RGS13: variants seen among roughly 807,000 people sequenced by gnomAD.
RGS13 encodes the protein regulator of G protein signaling 13.
In RGS13, 14 loss-of-function variants were observed where a neutral mutation model predicts 19.9. The ratio of observed to expected loss-of-function variants is 0.70; its 90% confidence interval spans 0.46 to 1.10. The LOEUF is 1.10. RGS13 is among the 50% of genes least tolerant of loss of function. The probability of loss-of-function intolerance (pLI) is 0.00; values close to 1 mark genes in which losing one functional copy is unlikely to be tolerated. For missense variants in RGS13, 205 were observed against 187.1 expected, an observed-to-expected ratio of 1.10 and a Z score of -0.56; for synonymous variants, 60 against 56.8, an observed-to-expected ratio of 1.06 and a Z score of -0.25.
rs185969071 is a variant in RGS13 at position 192,644,597 on chromosome 1, G to T, written c.65+198G>T. 30 of 504,084 alleles carry T rather than the reference G, an allele frequency of 6.0e-5. 2 individuals are homozygous for T. The East Asian group carries it at 7.0e-4, about 12-fold the overall frequency. The allele number at this position is 504,084 out of a possible 1,614,324, so 31.2% of individuals were successfully genotyped here. On this transcript the variant is annotated intron_variant, in intron 4 of 6. Transcript: ENST00000391995. ...TTCATTATTCATGGTTTACACTTGA[G>T]AATTCAGCAAGTTAAATGCTTTAGA...
chr1:192,639,430 T>C (rs1359996690), intron 3 of RGS13, among the ~76,000 whole-genome samples: 1 of 152,090 alleles, frequency 6.6e-6, no homozygotes, highest in African/African-American at 2.4e-5. Flanking sequence ...AAGCTGGGAC[T>C]CAGTGATTAA....
intron 3 of RGS13, among the ~76,000 whole-genome samples, chr1:192,640,569 A>G (rs755395248): frequency 6.6e-6 from 1 of 152,134 alleles, no homozygotes; most frequent in African/African-American, 2.4e-5. Flanking sequence ...AGTATTGTGA[A>G]TCTCTATTTG....
chr1:192,656,825 A>G (rs1663452701), intron 5 of RGS13, among the ~76,000 whole-genome samples: 1 of 152,070 alleles, frequency 6.6e-6, no homozygotes, highest in Non-Finnish European at 1.5e-5. Flanking sequence ...TTGCTTGAAG[A>G]CAAAATACTT....
At chr1:192,641,155 G>A (rs1000644511) in intron 3 of RGS13, among the ~76,000 whole-genome samples, 1 of 129,240 alleles carries the variant, frequency 7.7e-6, no homozygotes, top group Non-Finnish European at 1.7e-5. Flanking sequence ...GAAAGAAAGA[G>A]GAAAGAAAGA....
At chr1:192,650,008 A>G (rs1463198296) in intron 5 of RGS13, among the ~76,000 whole-genome samples, 2 of 152,076 alleles carry the variant, frequency 1.3e-5, no homozygotes, top group East Asian at 1.9e-4. Context: ...TTTGTACCCA[A>G]TGAGCATGCA....
Position 192,660,024 on chromosome 1 carries a change from T to C in RGS13, c.*501T>C, listed in dbSNP as rs1183060795. 2.0e-5 allele frequency: 3 copies of C among 152,134 alleles called. No individual in the cohort carries two copies. The highest frequency in any genetic ancestry group is 2.0e-4 in the Admixed American group (3 of 15,268). The allele number at this position is 152,134 out of a possible 1,614,324, so 9.4% of individuals were successfully genotyped here. On this transcript the variant is annotated 3_prime_UTR_variant, in exon 7 of 7. Coordinates refer to ENST00000391995, the MANE Select transcript of RGS13 (RefSeq NM_002927.5). ...AAAGGTGTTCTTCAGAGACATTTTA[T>C]CTATAAAATTTTCCTACTATTATGT... is the stretch of plus-strand genomic sequence containing the variant.
chr1:192,636,881 CA>C (rs1173511596), intron 1 of RGS13, among the ~76,000 whole-genome samples: 2 of 151,658 alleles, frequency 1.3e-5, no homozygotes, highest in African/African-American at 4.8e-5. Context: ...GTGCTGTGGT[CA>C]ACAAAAGCTC....
chr1:192,651,813 T>C (rs571122741), intron 5 of RGS13, among the ~76,000 whole-genome samples: 4 of 152,138 alleles, frequency 2.6e-5, no homozygotes, highest in Non-Finnish European at 5.9e-5. Flanking sequence ...AGTAGATTGC[T>C]TAGGAGAGGA....
At chr1:192,658,406 T>C in intron 6 of RGS13, 39 bp downstream of exon 6, 1 of 1,581,610 alleles carries the variant, frequency 6.3e-7, no homozygotes, top group African/African-American at 1.4e-5. Context: ...AATCAGTTCA[T>C]CCCTGCAAGG....
chr1:192,642,885 G>C (rs1378262314), intron 3 of RGS13, among the ~76,000 whole-genome samples: 1 of 151,710 alleles, frequency 6.6e-6, no homozygotes. Context: ...TTTGAGATAG[G>C]GTCTCACTCT....
chr1:192,658,490 A>G, intron 6 of RGS13, 123 bp downstream of exon 6: 1 of 861,852 alleles, frequency 1.2e-6, no homozygotes, highest in South Asian at 1.9e-5. Context: ...CTATAAATTC[A>G]GTATTGCTAA....
Position 192,636,266 on chromosome 1 carries a change from A to G in RGS13, c.-167A>G, listed in dbSNP as rs1663017577. On this transcript the variant is annotated 5_prime_UTR_variant, in exon 1 of 7. It adds an upstream start codon to the 5' untranslated region. Coordinates refer to ENST00000391995, the MANE Select transcript of RGS13 (RefSeq NM_002927.5). ...CAGAACCTGATTTCAAACGGATCAT[A>G]ACAAAGAGGAGATCAAATTTAGCAT... 1 of 152,104 alleles carries G rather than the reference A, an allele frequency of 6.6e-6. No homozygotes were observed. Among genetic ancestry groups the G allele is most frequent in the Admixed American group, 6.6e-5 (1 of 15,248 alleles). 9.4% of individuals were successfully genotyped at this position (152,104 alleles called of 1,614,324 possible).
At chr1:192,642,272 C>T (rs1266535585) in intron 3 of RGS13, among the ~76,000 whole-genome samples, 1 of 151,700 alleles carries the variant, frequency 6.6e-6, no homozygotes, top group Non-Finnish European at 1.5e-5. Flanking sequence ...CCTCTCAGCT[C>T]ACTGTCTCAT....
intron 3 of RGS13, among the ~76,000 whole-genome samples, chr1:192,643,954 AAAAAAT>A (rs200445064): frequency 6.6e-6 from 1 of 152,120 alleles, no homozygotes; most frequent in Non-Finnish European, 1.5e-5. Context: ...CCCTGTCTCA[AAAAAAT>A]AAAAATAAAA....
At chr1:192,642,994 G>A (rs924351471) in intron 3 of RGS13, among the ~76,000 whole-genome samples, 4 of 152,016 alleles carry the variant, frequency 2.6e-5, no homozygotes, top group Admixed American at 1.3e-4. Context: ...CAAGTAGTTG[G>A]GACTACAGGC....
chr1:192,644,340 C>CA lies in RGS13; in HGVS notation c.7dup (p.Arg3LysfsTer8). 1 of 1,607,864 alleles carries CA rather than the reference C, an allele frequency of 6.2e-7. No individual in the cohort carries two copies. The highest frequency in any genetic ancestry group is 8.5e-7 in the Non-Finnish European group (1 of 1,175,800). On this transcript the variant is annotated frameshift_variant, in exon 4 of 7. Coordinates refer to ENST00000391995, the MANE Select transcript of RGS13 (RefSeq NM_002927.5). LOFTEE classifies it high-confidence loss of function. ...TACTGTATTTCCTTAGAAAAATGAG[C>CA]AGGCGGAATTGTTGGATTTGTAAGA... is the stretch of plus-strand genomic sequence containing the variant.
At chr1:192,649,103 T>G (rs1262753290) in intron 5 of RGS13, among the ~76,000 whole-genome samples, 1 of 152,050 alleles carries the variant, frequency 6.6e-6, no homozygotes, top group Non-Finnish European at 1.5e-5. Flanking sequence ...CCACCTGAGC[T>G]CTCATATTTT....
At chr1:192,642,149 C>T (rs1663134572) in intron 3 of RGS13, among the ~76,000 whole-genome samples, 1 of 152,122 alleles carries the variant, frequency 6.6e-6, no homozygotes, top group Non-Finnish European at 1.5e-5. Flanking sequence ...AATCCATGGC[C>T]TGTGTGGCTC....
Position 192,647,949 on chromosome 1 carries a change from A to C in RGS13, c.89A>C (p.Gln30Pro). The change falls in exon 5 of 7, where the codon CAG (glutamine) becomes CCG (proline). Residue 30 changes from glutamine to proline, a missense_variant. Gln to Pro is a moderately conservative substitution (Grantham distance 76). Coordinates refer to ENST00000391995, the MANE Select transcript of RGS13 (RefSeq NM_002927.5). ...AGCCTTACTTTGGAGGAAGTATTAC[A>C]GTGGGCCCAGTCTTTTGAAAATTTA... ...PSNLTLEEVLQWAQSFENLMA... is the reference protein window; with the variant it reads ...PSNLTLEEVLPWAQSFENLMA... The C allele has an allele frequency of 6.2e-7, 1 of 1,602,040 alleles. No individual in the cohort carries two copies. Among genetic ancestry groups the C allele is most frequent in the East Asian group, 2.3e-5 (1 of 44,280 alleles).
Sources: gnomAD v4.1 joint callset for allele counts (sites outside exome capture counted in the v4.1 genomes callset) on GRCh38, gnomAD v4.1.1 for gene constraint, MANE v1.5 for transcripts, NCBI Gene and HGNC (gene_info 2026-07-23, HGNC 2026-07-21) for gene names.